Variants in SSC5D observed in about 807,000 individuals in gnomAD.
SSC5D encodes soluble scavenger receptor cysteine-rich domain-containing protein SSC5D.
Under a neutral mutation model 104.6 loss-of-function variants are expected in SSC5D, and 106 were observed. The observed-to-expected ratio is 1.01, with a 90% CI of 0.87 to 1.19. The LOEUF (loss-of-function observed/expected upper bound fraction) is 1.19. Ranked by LOEUF, SSC5D falls within the 50% of genes most tolerant of loss-of-function variation. SSC5D has a pLI of 0.00. For missense variants in SSC5D, 1,993 were observed against 2,153.8 expected (o/e 0.93, Z 1.48); for synonymous variants, 860 against 883.5 (o/e 0.97, Z 0.47).
At chr19:55,489,257 C>A in intron 2 of SSC5D, 97 bp from the exon 3 acceptor site, 1 of 1,322,656 alleles carries the variant, frequency 7.6e-7, no homozygotes, top group Non-Finnish European at 9.9e-7. Flanking sequence ...GGCCTACAGA[C>A]AGTACCTGCA....
Position 55,513,096 on chromosome 19 carries a change from A to G in SSC5D, c.2871A>G (p.Lys957=). The G allele has an allele frequency of 6.5e-7, 1 of 1,549,482 alleles. No individual in the cohort carries two copies. The highest frequency in any genetic ancestry group is 8.7e-7 in the Non-Finnish European group (1 of 1,145,604). The change falls in exon 13 of 14, where the codon AAA becomes AAG. Residue 957 remains lysine, a synonymous_variant. Coordinates refer to ENST00000389623, the MANE Select transcript of SSC5D (RefSeq NM_001144950.2). ...CTGAGGGGACCCCTACCGCAGGCAA[A>G]CTAGGACCAACTCTTGGGGCTGGCA... The part of the protein sequence containing the change: ...GLAEGTPTAG[K]LGPTLGAGTT...
In SSC5D at chr19:55,489,010, C is replaced by T; in HGVS notation, c.30C>T (p.Ala10=). 1.3e-6 allele frequency: 2 copies of T among 1,508,446 alleles called. No individual in the cohort carries two copies. Among genetic ancestry groups the T allele is most frequent in the South Asian group, 1.3e-5 (1 of 79,026 alleles). 93.4% of individuals were successfully genotyped at this position (1,508,446 alleles called of 1,614,324 possible). A position where few individuals can be genotyped will look rare whatever the true frequency, so the allele number is the denominator to read the frequency against. The change falls in exon 2 of 14, where the codon GCC becomes GCT. Residue 10 remains alanine, a synonymous_variant. Coordinates refer to ENST00000389623, the MANE Select transcript of SSC5D (RefSeq NM_001144950.2). ...ACCCTCCGCCCTCCCTTCCAGCGGC[C>T]CTGGTGGGGATCCAGGCTGTTGGTA... MRVLACLLA[A]LVGIQAVERL...
rs1335660584 is a variant in SSC5D at position 55,490,794 on chromosome 19, C to T, written c.609C>T (p.Gly203=). The change falls in exon 6 of 14, where the codon GGC becomes GGT. Residue 203 remains glycine, a synonymous_variant. Transcript: ENST00000389623. The part of the protein sequence containing the change: ...PRQERLRLVS[G]PHRCAGRLEV... ...CAGAGCGGCTGCGCCTGGTCTCTGGCCCCCACAGGTGCGCCGGACGCCTGG... is the reference window on the plus strand; with the variant it reads ...CAGAGCGGCTGCGCCTGGTCTCTGGTCCCCACAGGTGCGCCGGACGCCTGG... 2 of 1,541,740 alleles carry T rather than the reference C, an allele frequency of 1.3e-6. No individual in the cohort carries two copies. Among genetic ancestry groups the T allele is most frequent in the South Asian group, 1.2e-5 (1 of 83,102 alleles).
intron 6 of SSC5D, chr19:55,492,018 G>C (rs1016362856): frequency 4.6e-5 from 7 of 152,806 alleles, no homozygotes; most frequent in South Asian, 2.1e-4. Context: ...GGGTATCCAG[G>C]GGGGAGAGAA....
Position 55,518,176 on chromosome 19 carries a change from C to T in SSC5D, c.3900C>T (p.His1300=), listed in dbSNP as rs114559746. 97,854 of 1,425,602 alleles carry T rather than the reference C, an allele frequency of 0.069. 4,336 individuals are homozygous for T. Among genetic ancestry groups the T allele is most frequent in the East Asian group, 0.2 (6,954 of 35,092 alleles). The allele number at this position is 1,425,602 out of a possible 1,614,324, so 88.3% of individuals were successfully genotyped here. ...TTTPHPTTTP[H]PTMTPDPTTT... ...CCCCTCACCCCACCACAACCCCTCA[C>T]CCCACCATGACTCCTGACCCCACCA... Residue 1300 remains histidine, a synonymous_variant, in exon 14 of 14, where the codon CAC becomes CAT. Coordinates refer to ENST00000389623, the MANE Select transcript of SSC5D (RefSeq NM_001144950.2).
chr19:55,514,402 C>T (rs1174205848), intron 13 of SSC5D, among the ~76,000 whole-genome samples: 1 of 121,054 alleles, frequency 8.3e-6, no homozygotes, highest in Non-Finnish European at 1.7e-5. Flanking sequence ...GAGACTCTGT[C>T]TCAAAATAAT....
chr19:55,495,231 A>AATTTTTTTTT, intron 8 of SSC5D, among the ~76,000 whole-genome samples: 1 of 25,968 alleles, frequency 3.9e-5, no homozygotes, highest in Non-Finnish European at 7.2e-5. Flanking sequence ...ATATATATAT[A>AATTTTTTTTT]TATTTTTTTT....
intron 12 of SSC5D, chr19:55,504,079 C>G: frequency 6.5e-7 from 1 of 1,527,938 alleles, no homozygotes. Flanking sequence ...GGTGGGTGGG[C>G]TCCAGCTGTG....
chr19:55,515,312 C>A (rs912819544), intron 13 of SSC5D, among the ~76,000 whole-genome samples: 4 of 145,832 alleles, frequency 2.7e-5, no homozygotes, highest in Non-Finnish European at 6.0e-5. Context: ...AGGAGAATCA[C>A]TTGAACCCAG....
Position 55,517,602 on chromosome 19 carries a change from C to T in SSC5D, c.3326C>T (p.Thr1109Ile), listed in dbSNP as rs1304520903. 1 of 1,551,594 alleles carries T rather than the reference C, an allele frequency of 6.4e-7. No individual in the cohort carries two copies. The highest frequency in any genetic ancestry group is 1.4e-5 in the African/African-American group (1 of 72,870). ...TSDPSTPSEVTSLSPTSEQVP... is the reference protein window; with the variant it reads ...TSDPSTPSEVISLSPTSEQVP... Reference sequence around the variant, plus strand: ...GACCCTTCTACACCGTCGGAGGTGACCAGCCTTTCCCCTACCTCAGAGCAG... The same window carrying T: ...GACCCTTCTACACCGTCGGAGGTGATCAGCCTTTCCCCTACCTCAGAGCAG... Residue 1109 changes from threonine to isoleucine, a missense_variant, in exon 14 of 14, where the codon ACC (threonine) becomes ATC (isoleucine). By Grantham distance (89) the Thr-to-Ile change is moderately conservative. Around this residue, in one of 6 missense-constraint regions of SSC5D, gnomAD observed 423 missense variants for 409.2 expected, o/e 1.03. Coordinates refer to ENST00000389623, the MANE Select transcript of SSC5D (RefSeq NM_001144950.2).
chr19:55,516,866 C>T (rs1156315872), intron 13 of SSC5D, among the ~76,000 whole-genome samples: 1 of 152,114 alleles, frequency 6.6e-6, no homozygotes, highest in East Asian at 1.9e-4. Flanking sequence ...GCTCAGAATC[C>T]TCCCGTATGC....
chr19:55,515,383 T>G (rs1599930437), intron 13 of SSC5D, among the ~76,000 whole-genome samples: 16 of 97,108 alleles, frequency 1.6e-4, no homozygotes, highest in South Asian at 3.1e-4. Context: ...GCAACAGGAG[T>G]GAAACTCCGT....
rs1277151227 is a variant in SSC5D, at chr19:55,514,442, TAATAATAATAATAA to T, written c.2947+1271_2947+1284del. On this transcript the variant is annotated intron_variant, in intron 13 of 13. Coordinates refer to ENST00000389623, the MANE Select transcript of SSC5D (RefSeq NM_001144950.2). ...ATAATAATAATAATAATAATAATAA[TAATAATAATAATAA>T]TAGGTGTGGTGGCAGGCGCCTGTAA... Among the ~76,000 whole-genome samples the T allele has an allele frequency of 4.9e-3, 361 of 73,694 alleles. 11 individuals are homozygous for T. The highest frequency in any genetic ancestry group is 0.023 in the African/African-American group (259 of 11,226). 48.3% of individuals were successfully genotyped at this position (73,694 alleles called of 152,430 possible). A position where few individuals can be genotyped will look rare whatever the true frequency, so the allele number is the denominator to read the frequency against.
intron 2 of SSC5D, 132 bp from the exon 3 acceptor site, chr19:55,489,222 C>A (rs528299018): frequency 2.6e-6 from 3 of 1,144,514 alleles, no homozygotes; most frequent in Non-Finnish European, 3.5e-6. Context: ...GAGTCTGGGC[C>A]CAGGGGCCAG....
intron 9 of SSC5D, among the ~76,000 whole-genome samples, chr19:55,499,453 G>T (rs1987412010): frequency 1.3e-5 from 2 of 152,184 alleles, no homozygotes; most frequent in Non-Finnish European, 2.9e-5. Flanking sequence ...TGGTCAGTAA[G>T]AATTGACAGG....
chr19:55,511,985 C>G (rs1987766758), intron 12 of SSC5D, among the ~76,000 whole-genome samples: 1 of 151,772 alleles, frequency 6.6e-6, no homozygotes, highest in Admixed American at 6.6e-5. Context: ...AGTGGGTAAA[C>G]CCCCTCAGTT....
intron 8 of SSC5D, among the ~76,000 whole-genome samples, chr19:55,495,696 G>A (rs556238481): frequency 1.3e-5 from 2 of 152,188 alleles, no homozygotes; most frequent in African/African-American, 2.4e-5. Flanking sequence ...GGAAGCACCA[G>A]GGCCAGGCAG....
At chr19:55,504,792 C>A (rs1472014741) in intron 12 of SSC5D, among the ~76,000 whole-genome samples, 2 of 152,100 alleles carry the variant, frequency 1.3e-5, no homozygotes, top group Admixed American at 6.5e-5. Context: ...CCACCGCGCC[C>A]GGCCACCTGT....
rs1241954965 is a variant in SSC5D, at chr19:55,497,975, A to C, written c.1483A>C (p.Ser495Arg). The C allele has an allele frequency of 6.4e-7, 1 of 1,551,806 alleles. No individual in the cohort carries two copies. The change falls in exon 9 of 14, where the codon AGC (serine) becomes CGC (arginine). Residue 495 changes from serine to arginine, a missense_variant. Physicochemically the swap from Ser to Arg is moderately radical, Grantham distance 110. Transcript: ENST00000389623. The part of the protein sequence containing the change: ...DQRWGTVCDD[S>R]WDMRDSAVVC... Reference sequence around the variant, plus strand: ...GCGCTGGGGGACCGTGTGTGACGATAGCTGGGACATGCGGGATTCAGCTGT... The same window carrying C: ...GCGCTGGGGGACCGTGTGTGACGATCGCTGGGACATGCGGGATTCAGCTGT...
Sources: gnomAD v4.1 joint callset for allele counts (sites outside exome capture counted in the v4.1 genomes callset) on GRCh38, gnomAD v4.1.1 for gene constraint, gnomAD v4.1.1 regional missense constraint, MANE v1.5 for transcripts, NCBI Gene and HGNC (gene_info 2026-07-23, HGNC 2026-07-21) for gene names.